SLC16A2: variants seen among roughly 807,000 people sequenced by gnomAD.
SLC16A2 encodes the protein monocarboxylate transporter 8.
Under a neutral mutation model 27.2 loss-of-function variants are expected in SLC16A2, and 3 were observed. The ratio of observed to expected loss-of-function variants is 0.11; its 90% CI spans 0.05 to 0.28. SLC16A2 has a LOEUF of 0.28. Ranked by LOEUF, SLC16A2 falls within the 10% of genes least tolerant of loss-of-function variation. SLC16A2 has a pLI of 1.00. For synonymous variants in SLC16A2, 202 were observed against 187.8 expected (o/e 1.08, Z -0.62); for missense variants, 295 against 458.5 (o/e 0.64, Z 3.26).
chrX:74,521,244 G>A, intron 2 of SLC16A2, 110 bp downstream of exon 2: 1 of 938,210 alleles, frequency 1.1e-6, no homozygotes. Flanking sequence ...CCATGGCCCT[G>A]TAGGGCCCTC....
At chrX:74,510,633 C>T (rs1474124594) in intron 1 of SLC16A2, among the ~76,000 whole-genome samples, 1 of 111,596 alleles carries the variant, frequency 9.0e-6, no homozygotes, top group Non-Finnish European at 1.9e-5. Context: ...TAACTGAACC[C>T]CTAAATCTTC....
At chrX:74,479,059 G>T (rs745993992) in intron 1 of SLC16A2, among the ~76,000 whole-genome samples, 66 of 111,917 alleles carry the variant, frequency 5.9e-4, no homozygotes, top group Admixed American at 4.6e-3. Context: ...AGTTCTCCTG[G>T]ATAATATCCG....
chrX:74,434,630 A>G (rs781134509), intron 1 of SLC16A2, among the ~76,000 whole-genome samples: 6 of 110,719 alleles, frequency 5.4e-5, no homozygotes, highest in Non-Finnish European at 1.1e-4. Flanking sequence ...CTGCTCTTCC[A>G]TGTCAGCCAC....
chrX:74,427,325 G>A (rs779411271), intron 1 of SLC16A2, among the ~76,000 whole-genome samples: 1 of 111,740 alleles, frequency 8.9e-6, no homozygotes, highest in Non-Finnish European at 1.9e-5. Context: ...CCTGGATCCT[G>A]CTGTGGTGGG....
At chrX:74,442,244 A>G (rs950652235) in intron 1 of SLC16A2, among the ~76,000 whole-genome samples, 13 of 109,285 alleles carry the variant, frequency 1.2e-4, no homozygotes, top group African/African-American at 1.7e-4. Flanking sequence ...AAAAAAAAAA[A>G]AAAAAGAAAT....
intron 1 of SLC16A2, among the ~76,000 whole-genome samples, chrX:74,486,495 T>C (rs1248325418): frequency 1.8e-5 from 2 of 112,126 alleles, no homozygotes; most frequent in African/African-American, 6.5e-5. Flanking sequence ...TCATCATCAC[T>C]GGCCATCAGA....
chrX:74,506,748 C>G (rs908503854), intron 1 of SLC16A2, among the ~76,000 whole-genome samples: 1 of 110,008 alleles, frequency 9.1e-6, no homozygotes, highest in African/African-American at 3.3e-5. Flanking sequence ...ACAGTCTTAT[C>G]AGAGGCTTAT....
chrX:74,517,272 T>TA (rs2147868256), intron 1 of SLC16A2, among the ~76,000 whole-genome samples: 1 of 112,197 alleles, frequency 8.9e-6, no homozygotes, highest in African/African-American at 3.2e-5. Flanking sequence ...ATTTCACAAT[T>TA]AAAAATTTTT....
Position 74,533,467 on chromosome X carries a change from TC to T in SLC16A2, c.*1917del, listed in dbSNP as rs1212216996. 4 of 112,052 alleles carry T rather than the reference TC, an allele frequency of 3.6e-5. No homozygotes were observed. The highest frequency in any genetic ancestry group is 7.5e-5 in the Non-Finnish European group (4 of 53,128). The allele number at this position is 112,052 out of a possible 1,213,427, so 9.2% of individuals were successfully genotyped here. A position where few individuals can be genotyped will look rare whatever the true frequency, so the allele number is the denominator to read the frequency against. On this transcript the variant is annotated 3_prime_UTR_variant, in exon 6 of 6. Transcript: ENST00000587091. ...ATCTGGGCCCTAGGAGCCCTGTAAC[TC>T]CCAGGAGAGACCACTGAAAATACTG...
intron 1 of SLC16A2, among the ~76,000 whole-genome samples, chrX:74,507,280 G>GC (rs1930152644): frequency 9.0e-6 from 1 of 110,561 alleles, no homozygotes. Flanking sequence ...TTTTATTTTT[G>GC]TTTTTTCAAA....
chrX:74,530,304 G>A (rs931089179), intron 5 of SLC16A2, among the ~76,000 whole-genome samples: 1 of 109,784 alleles, frequency 9.1e-6, no homozygotes, highest in Non-Finnish European at 1.9e-5. Flanking sequence ...GTTTCACTGT[G>A]TTAGTCAGGA....
At chrX:74,500,099 G>A (rs868245390) in intron 1 of SLC16A2, among the ~76,000 whole-genome samples, 2 of 98,209 alleles carry the variant, frequency 2.0e-5, no homozygotes, top group Middle Eastern at 5.5e-3. Context: ...TTAAAATGAG[G>A]TATAATTTGG....
At chrX:74,470,233 T>C (rs1478174215) in intron 1 of SLC16A2, among the ~76,000 whole-genome samples, 2 of 112,617 alleles carry the variant, frequency 1.8e-5, no homozygotes, top group African/African-American at 6.5e-5. Context: ...GAAATCTTGG[T>C]TGCTTCCAAG....
At chrX:74,472,902 T>C (rs374372000) in intron 1 of SLC16A2, 22 of 340,536 alleles carry the variant, frequency 6.5e-5, no homozygotes, top group African/African-American at 2.1e-4. Flanking sequence ...GTCTGCTTTG[T>C]AGCAGCTAGG....
intron 1 of SLC16A2, among the ~76,000 whole-genome samples, chrX:74,460,995 T>A (rs1264355060): frequency 8.9e-6 from 1 of 112,119 alleles, no homozygotes; most frequent in African/African-American, 3.2e-5. Context: ...TCCCTAAAGT[T>A]TGAAAAGACT....
intron 1 of SLC16A2, among the ~76,000 whole-genome samples, chrX:74,479,363 G>A (rs1159665117): frequency 1.8e-5 from 2 of 111,411 alleles, no homozygotes; most frequent in Non-Finnish European, 3.8e-5. Context: ...CTCAGCATTG[G>A]TTATTCTAGT....
chrX:74,493,572 C>A (rs910833484), intron 1 of SLC16A2, among the ~76,000 whole-genome samples: 2 of 112,389 alleles, frequency 1.8e-5, no homozygotes, highest in Non-Finnish European at 3.8e-5. Context: ...GAACCCTGCC[C>A]TCTTGCCTTC....
chrX:74,502,535 G>A (rs1930054064), intron 1 of SLC16A2, among the ~76,000 whole-genome samples: 3 of 112,390 alleles, frequency 2.7e-5, no homozygotes, highest in Admixed American at 1.9e-4. Context: ...CTGGATATTT[G>A]TAAATGAAGA....
chrX:74,469,559 G>C (rs182546264), intron 1 of SLC16A2, among the ~76,000 whole-genome samples: 2 of 111,289 alleles, frequency 1.8e-5, no homozygotes, highest in Non-Finnish European at 3.8e-5. Flanking sequence ...TTTATTTGCA[G>C]TTCCTTGACG....
Sources: allele counts gnomAD v4.1 joint callset (sites outside exome capture counted in the v4.1 genomes callset), GRCh38; gene constraint gnomAD v4.1.1; transcripts MANE v1.5; gene names NCBI Gene and HGNC (gene_info 2026-07-23, HGNC 2026-07-21).